The following RCL1 variants were observed in gnomAD, a reference collection of about 807,000 sequenced individuals.
The protein encoded by RCL1 is RNA 3'-terminal phosphate cyclase-like protein.
Under a neutral mutation model 42.4 loss-of-function variants are expected in RCL1, and 24 were observed. That is an observed-to-expected ratio of 0.57 (90% CI 0.41 to 0.80). The LOEUF is 0.80. Among genes scored for constraint, RCL1 ranks in the 30% least tolerant of loss-of-function variants. The pLI is 0.00. For missense variants in RCL1, 578 were observed against 467.9 expected (o/e 1.24, Z -2.17); for synonymous variants, 228 against 177.3 (o/e 1.29, Z -2.27).
At chr9:4,852,561 G>C (rs531680425) in intron 8 of RCL1, among the ~76,000 whole-genome samples, 1 of 152,152 alleles carries the variant, frequency 6.6e-6, no homozygotes, top group Non-Finnish European at 1.5e-5. Context: ...CGTGGAAATG[G>C]TATTTAGCAT....
intron 1 of RCL1, among the ~76,000 whole-genome samples, chr9:4,809,962 G>A (rs980721641): frequency 1.3e-5 from 2 of 152,002 alleles, no homozygotes; most frequent in South Asian, 4.1e-4. Flanking sequence ...GATTACAGAT[G>A]TGCACCACTA....
At chr9:4,839,746 G>T in intron 5 of RCL1, 1 of 975,888 alleles carries the variant, frequency 1.0e-6, no homozygotes, top group Non-Finnish European at 1.2e-6. Context: ...GAGTACAAAA[G>T]TGGTGTATTG....
In RCL1 at chr9:4,860,327, A is replaced by G; in HGVS notation, c.*52A>G. ...GCCTACAGACAAAGCAGAAGCTGCC[A>G]CGGACACCAATGGGACCAAGTCCAA... On this transcript the variant is annotated 3_prime_UTR_variant, in exon 9 of 9. Coordinates refer to ENST00000381750, the MANE Select transcript of RCL1 (RefSeq NM_005772.5). 1 of 1,584,374 alleles carries G rather than the reference A, an allele frequency of 6.3e-7. No homozygotes were observed. Among genetic ancestry groups the G allele is most frequent in the East Asian group, 2.3e-5 (1 of 43,826 alleles).
chr9:4,831,088 C>T (rs551300253), intron 3 of RCL1, among the ~76,000 whole-genome samples: 2 of 152,296 alleles, frequency 1.3e-5, no homozygotes, highest in East Asian at 3.9e-4. Context: ...GGTCTAACAG[C>T]CAGTGAGAGG....
At chr9:4,842,344 G>T (rs1225879585) in intron 6 of RCL1, among the ~76,000 whole-genome samples, 1 of 152,158 alleles carries the variant, frequency 6.6e-6, no homozygotes, top group Non-Finnish European at 1.5e-5. Context: ...AAGAGGAAAA[G>T]AGAGTAAAGG....
At chr9:4,830,771 G>A (rs1816916752) in intron 3 of RCL1, among the ~76,000 whole-genome samples, 1 of 152,206 alleles carries the variant, frequency 6.6e-6, no homozygotes, top group South Asian at 2.1e-4. Flanking sequence ...AAGGTAACTG[G>A]AGAGCAGGTT....
At chr9:4,804,439 T>G (rs926026416) in intron 1 of RCL1, 9 of 152,332 alleles carry the variant, frequency 5.9e-5, no homozygotes, top group African/African-American at 2.2e-4. Context: ...CCGAACTCGT[T>G]CCCAGGGGCA....
At chr9:4,843,865 T>A (rs1442839902) in intron 6 of RCL1, among the ~76,000 whole-genome samples, 1 of 152,210 alleles carries the variant, frequency 6.6e-6, no homozygotes, top group Non-Finnish European at 1.5e-5. Flanking sequence ...TAAAATTCTC[T>A]AGGTGTCCCA....
intron 1 of RCL1, among the ~76,000 whole-genome samples, chr9:4,819,294 A>G (rs936420353): frequency 3.3e-5 from 5 of 152,212 alleles, no homozygotes; most frequent in Admixed American, 2.0e-4. Context: ...TCATGGTCCT[A>G]TGAGAATCCA....
intron 1 of RCL1, among the ~76,000 whole-genome samples, chr9:4,800,915 G>C (rs1189647392): frequency 6.6e-6 from 1 of 151,992 alleles, no homozygotes; most frequent in African/African-American, 2.4e-5. Flanking sequence ...CGGCCTCCCA[G>C]AGTGCTGGGA....
At chr9:4,825,432 A>G (rs2131002315) in intron 2 of RCL1, among the ~76,000 whole-genome samples, 1 of 152,210 alleles carries the variant, frequency 6.6e-6, no homozygotes, top group South Asian at 2.1e-4. Context: ...CCTTACAACT[A>G]TTTCAGATAA....
At chr9:4,842,932 T>C (rs1394922168) in intron 6 of RCL1, among the ~76,000 whole-genome samples, 1 of 152,208 alleles carries the variant, frequency 6.6e-6, no homozygotes, top group African/African-American at 2.4e-5. Flanking sequence ...CAGCTTATAG[T>C]GTGGCTTTTT....
At chr9:4,838,357 G>A (rs1334603861) in intron 5 of RCL1, among the ~76,000 whole-genome samples, 1 of 152,158 alleles carries the variant, frequency 6.6e-6, no homozygotes, top group African/African-American at 2.4e-5. Flanking sequence ...TTTACTTAAT[G>A]CCACCCACTC....
chr9:4,805,105 G>GGT (rs1563829525), intron 1 of RCL1: 1 of 152,406 alleles, frequency 6.6e-6, no homozygotes, highest in African/African-American at 2.4e-5. Flanking sequence ...AAGCAGCAGG[G>GGT]GTATCTCAAA....
chr9:4,848,170 G>A lies in RCL1; in HGVS notation c.868-1277G>A, dbSNP rs558670597. 1.9e-4 allele frequency among the ~76,000 whole-genome samples: 29 copies of A among 152,308 alleles called. 1 individual carries two copies. The highest frequency in any genetic ancestry group is 1.3e-3 in the East Asian group (7 of 5,188). On this transcript the variant is annotated intron_variant, in intron 7 of 8. Transcript: ENST00000381750. Reference sequence around the variant, plus strand: ...GATCTATAAAACAGTTTTGTTGGTCGTCATATTTTCCATGGGTCAGGTTTT... The same window carrying A: ...GATCTATAAAACAGTTTTGTTGGTCATCATATTTTCCATGGGTCAGGTTTT...
rs1057393810 is a variant in RCL1 at position 4,860,550 on chromosome 9, G to A, written c.*275G>A. Reference sequence around the variant, plus strand: ...AAGAATGTGCCTTCAGGCCACAGTCGTGCTGCTAGAACAGTCTCGTAGCTG... The same window carrying A: ...AAGAATGTGCCTTCAGGCCACAGTCATGCTGCTAGAACAGTCTCGTAGCTG... On this transcript the variant is annotated 3_prime_UTR_variant, in exon 9 of 9. Coordinates refer to ENST00000381750, the MANE Select transcript of RCL1 (RefSeq NM_005772.5). 19 of 397,586 alleles carry A rather than the reference G, an allele frequency of 4.8e-5. No homozygotes were observed. The highest frequency in any genetic ancestry group is 3.3e-4 in the South Asian group (10 of 30,354). 24.6% of individuals were successfully genotyped at this position (397,586 alleles called of 1,614,324 possible).
chr9:4,851,854 C>G (rs1435985050), intron 8 of RCL1, among the ~76,000 whole-genome samples: 2 of 146,872 alleles, frequency 1.4e-5, no homozygotes, highest in Non-Finnish European at 3.0e-5. Flanking sequence ...TTCTGTGCTA[C>G]TTGAGAAAGT....
At position 4,836,536 on chromosome 9, in the gene RCL1, G is replaced by C. The variant is rs1312832087; in HGVS notation, c.584+2271G>C. 2.0e-5 allele frequency among the ~76,000 whole-genome samples: 3 copies of C among 152,144 alleles called. No individual in the cohort carries two copies. In the East Asian group the frequency reaches 5.8e-4, roughly 29 times the overall value. On this transcript the variant is annotated intron_variant, in intron 5 of 8. Transcript: ENST00000381750. ...AGTGGTAAAATTCTAGGTGCTGACA[G>C]GATCTGGGTGGGAGCAGGTGTTGGA...
intron 8 of RCL1, among the ~76,000 whole-genome samples, chr9:4,851,613 T>C (rs1230452179): frequency 2.6e-5 from 4 of 152,298 alleles, no homozygotes; most frequent in East Asian, 3.9e-4. Context: ...TTTATTCTAA[T>C]GGATTCAAGA....
Sources: gnomAD v4.1 joint callset for allele counts (sites outside exome capture counted in the v4.1 genomes callset) on GRCh38, gnomAD v4.1.1 for gene constraint, MANE v1.5 for transcripts, NCBI Gene and HGNC (gene_info 2026-07-23, HGNC 2026-07-21) for gene names.